Variants in GHRH observed in about 807,000 individuals in gnomAD.
The protein encoded by GHRH is growth hormone releasing hormone, also known as somatoliberin.
GHRH carries 7 observed loss-of-function variants against 15.6 expected under a neutral mutation model. That is an observed-to-expected ratio of 0.45 (90% CI 0.26 to 0.84). The LOEUF (loss-of-function observed/expected upper bound fraction) is 0.84, where lower values mean the gene tolerates loss of function less well. Among genes scored for constraint, GHRH ranks in the 40% least tolerant of loss-of-function variants. The pLI, the probability that GHRH is intolerant of heterozygous loss-of-function variation, is 0.18. For missense variants in GHRH, 117 were observed against 138.0 expected, an observed-to-expected ratio of 0.85 and a Z score of 0.76; for synonymous variants, 54 against 50.4, an observed-to-expected ratio of 1.07 and a Z score of -0.30.
At chr20:37,261,073 T>C (rs946080736) in intron 1 of GHRH, among the ~76,000 whole-genome samples, 2 of 152,126 alleles carry the variant, frequency 1.3e-5, no homozygotes, top group African/African-American at 2.4e-5. Context: ...TTAAAAGAAA[T>C]CTAAGTTTTT....
intron 4 of GHRH, among the ~76,000 whole-genome samples, chr20:37,252,113 T>C (rs745846774): frequency 6.6e-6 from 1 of 152,188 alleles, no homozygotes; most frequent in Non-Finnish European, 1.5e-5. Context: ...GAGGAGGCCT[T>C]CTTCTTAGAG....
chr20:37,261,311 T>G (rs992942980), intron 1 of GHRH, among the ~76,000 whole-genome samples: 1 of 152,198 alleles, frequency 6.6e-6, no homozygotes, highest in African/African-American at 2.4e-5. Context: ...TGTTATCAAT[T>G]TCCCGGCAAT....
At chr20:37,259,457 A>C (rs2068676315) in intron 1 of GHRH, among the ~76,000 whole-genome samples, 1 of 152,152 alleles carries the variant, frequency 6.6e-6, no homozygotes, top group African/African-American at 2.4e-5. Context: ...TCTGTCTCCC[A>C]GCTGCAGCCT....
intron 4 of GHRH, among the ~76,000 whole-genome samples, chr20:37,253,308 G>A (rs947460763): frequency 6.6e-6 from 1 of 152,154 alleles, no homozygotes; most frequent in African/African-American, 2.4e-5. Flanking sequence ...GTGTGTCTGC[G>A]CACACTCATC....
At chr20:37,254,454 A>G (rs981249949) in intron 3 of GHRH, 125 bp from the exon 4 acceptor site, 4 of 940,830 alleles carry the variant, frequency 4.3e-6, no homozygotes, top group Non-Finnish European at 6.8e-6. Context: ...AGATTCAGCC[A>G]CACTTAGGGA....
In GHRH at chr20:37,253,195, G is replaced by A. The variant is rs369627738; in HGVS notation, c.308+1015C>T. 4.0e-4 allele frequency among the ~76,000 whole-genome samples: 61 copies of A among 152,288 alleles called. No homozygotes were observed. In the East Asian group the frequency reaches 7.5e-3, roughly 19 times the overall value. The stretch of plus-strand genomic sequence containing the variant: ...ATTCCCTGACTTGGGGCCAGCTGCC[G>A]CCCCGTCTTTGCCTCACTTTTCCTC... On this transcript the variant is annotated intron_variant, in intron 4 of 4. Transcript: ENST00000373614.
Position 37,256,414 on chromosome 20 carries a change from G to A in GHRH, c.168C>T (p.Asp56=). The change falls in exon 3 of 5, where the codon GAC becomes GAT. Residue 56 remains aspartate (D), a synonymous_variant. Transcript: ENST00000373614. ...GQLSARKLLQ[D]IMSRQQGESN... is the part of the protein sequence containing the mutation. Reference sequence around the variant, plus strand: ...CTTACCCCTGCTGCCTGCTCATGATGTCCTGGAGCAGCTTGCGGGCGGACA... The same window carrying A: ...CTTACCCCTGCTGCCTGCTCATGATATCCTGGAGCAGCTTGCGGGCGGACA... 1 of 1,611,722 alleles carries A rather than the reference G, an allele frequency of 6.2e-7. No individual in the cohort carries two copies. The highest frequency in any genetic ancestry group is 2.2e-5 in the East Asian group (1 of 44,856).
intron 3 of GHRH, among the ~76,000 whole-genome samples, chr20:37,254,885 C>T (rs936260772): frequency 4.6e-5 from 7 of 152,102 alleles, no homozygotes; most frequent in African/African-American, 1.7e-4. Flanking sequence ...AGGGACATGA[C>T]AACTAAATGG....
rs900013156 is a variant in GHRH, at chr20:37,254,333, T to G, written c.189-4A>C. 2.5e-6 allele frequency: 4 copies of G among 1,614,106 alleles called. No individual in the cohort carries two copies. The highest frequency in any genetic ancestry group is 3.4e-6 in the Non-Finnish European group (4 of 1,179,990). On this transcript the variant is annotated splice_polypyrimidine_tract_variant and splice_region_variant and intron_variant, in intron 3 of 4. Coordinates refer to ENST00000373614, the MANE Select transcript of GHRH (RefSeq NM_021081.6). ...TCCTCGCTCTTGGTTGCTCTCTCTG[T>G]GTGGTTAGAAAAAGAGAACTAGTTG...
At chr20:37,254,364 T>C in intron 3 of GHRH, 35 bp from the exon 4 acceptor site, 1 of 1,613,580 alleles carries the variant, frequency 6.2e-7, no homozygotes, top group Non-Finnish European at 8.5e-7. Flanking sequence ...AGTTGCTATT[T>C]GGGTAGGATG....
intron 3 of GHRH, among the ~76,000 whole-genome samples, chr20:37,255,317 C>T (rs1456790600): frequency 1.3e-5 from 2 of 152,036 alleles, no homozygotes; most frequent in African/African-American, 2.4e-5. Flanking sequence ...GCTATAGAGT[C>T]AGGCAGTTTG....
At chr20:37,253,606 T>C (rs970837630) in intron 4 of GHRH, among the ~76,000 whole-genome samples, 3 of 152,144 alleles carry the variant, frequency 2.0e-5, no homozygotes, top group African/African-American at 7.2e-5. Context: ...TAATATTGAT[T>C]GATTGATTGA....
intron 1 of GHRH, among the ~76,000 whole-genome samples, chr20:37,257,239 G>A (rs1366378640): frequency 6.6e-6 from 1 of 152,154 alleles, no homozygotes; most frequent in Non-Finnish European, 1.5e-5. Context: ...TTGGGCTCAG[G>A]CACAGTGACT....
At chr20:37,252,932 G>A (rs889565486) in intron 4 of GHRH, among the ~76,000 whole-genome samples, 1 of 152,128 alleles carries the variant, frequency 6.6e-6, no homozygotes, top group African/African-American at 2.4e-5. Context: ...CCAGCTACTC[G>A]GGAGGCTGAG....
intron 3 of GHRH, among the ~76,000 whole-genome samples, chr20:37,256,081 T>A (rs1247774314): frequency 6.6e-6 from 1 of 152,186 alleles, no homozygotes; most frequent in South Asian, 2.1e-4. Context: ...ACCAAGGGCA[T>A]CTGTGTGCCC....
intron 4 of GHRH, among the ~76,000 whole-genome samples, chr20:37,253,319 T>A (rs1043551961): frequency 2.0e-5 from 3 of 152,222 alleles, no homozygotes; most frequent in Non-Finnish European, 4.4e-5. Context: ...CACACTCATC[T>A]ACCACAGGGT....
rs766281633 is a variant in GHRH, at chr20:37,254,316, C to T, written c.202G>A (p.Glu68Lys). Residue 68 changes from glutamate (E) to lysine (K), a missense_variant, in exon 4 of 5, where the codon GAG becomes AAG. Glu to Lys is a moderately conservative substitution (Grantham distance 56, BLOSUM62 1). Coordinates refer to ENST00000373614, the MANE Select transcript of GHRH (RefSeq NM_021081.6). ...CCAAGCCGTGCCCTTGCTCCTCGCT[C>T]TTGGTTGCTCTCTCTGTGTGGTTAG... ...MSRQQGESNQ[E>K]RGARARLGRQ... 1.2e-6 allele frequency: 2 copies of T among 1,614,152 alleles called. No homozygotes were observed. The highest frequency in any genetic ancestry group is 2.2e-5 in the South Asian group (2 of 91,082).
chr20:37,259,840 G>A (rs2068678232), intron 1 of GHRH, among the ~76,000 whole-genome samples: 1 of 152,218 alleles, frequency 6.6e-6, no homozygotes, highest in Non-Finnish European at 1.5e-5. Flanking sequence ...TCCCAGGCCG[G>A]CAGACTTCCT....
intron 4 of GHRH, among the ~76,000 whole-genome samples, chr20:37,253,406 C>T (rs1447889724): frequency 6.6e-6 from 1 of 152,192 alleles, no homozygotes; most frequent in Non-Finnish European, 1.5e-5. Context: ...TGTCAGTTCA[C>T]CTGCAGCCGA....
Sources: allele counts gnomAD v4.1 joint callset (sites outside exome capture counted in the v4.1 genomes callset), GRCh38; gene constraint gnomAD v4.1.1; transcripts MANE v1.5; gene names NCBI Gene and HGNC (gene_info 2026-07-23, HGNC 2026-07-21).